The following SLC35F4 variants were observed in gnomAD, a reference collection of about 807,000 sequenced individuals.
The protein encoded by SLC35F4 is solute carrier family 35 member F4.
Under a neutral mutation model 44.2 loss-of-function variants are expected in SLC35F4, and 24 were observed. The ratio of observed to expected loss-of-function variants is 0.54; its 90% CI spans 0.39 to 0.76. SLC35F4 has a LOEUF of 0.76. SLC35F4 is among the 30% of genes least tolerant of loss of function. The pLI is 0.00. For missense variants in SLC35F4, 562 were observed against 586.1 expected (o/e 0.96, Z 0.42); for synonymous variants, 238 against 223.6 (o/e 1.06, Z -0.57).
intron 1 of SLC35F4, among the ~76,000 whole-genome samples, chr14:57,839,620 A>G (rs1204316678): frequency 6.6e-6 from 1 of 152,056 alleles, no homozygotes; most frequent in Non-Finnish European, 1.5e-5. Flanking sequence ...AGAGAGGGAG[A>G]GCATCAGAAA....
chr14:57,980,888 T>G (rs532868211), intron 1 of SLC35F4, among the ~76,000 whole-genome samples: 68 of 152,328 alleles, frequency 4.5e-4, no homozygotes, highest in African/African-American at 1.5e-3. Flanking sequence ...ACTTCCATAA[T>G]CACAGGAAGT....
chr14:57,759,698 T>C (rs1347320705), intron 1 of SLC35F4, among the ~76,000 whole-genome samples: 4 of 152,332 alleles, frequency 2.6e-5, no homozygotes, highest in African/African-American at 9.6e-5. Flanking sequence ...CCAACACTTA[T>C]CTTTTGTTTC....
intron 1 of SLC35F4, among the ~76,000 whole-genome samples, chr14:57,750,775 T>C (rs2076866063): frequency 6.6e-6 from 1 of 152,208 alleles, no homozygotes. Context: ...GAACTTTTTG[T>C]ATATTCTGGA....
chr14:57,873,854 T>G (rs1437703400), intron 1 of SLC35F4, among the ~76,000 whole-genome samples: 1 of 152,188 alleles, frequency 6.6e-6, no homozygotes, highest in African/African-American at 2.4e-5. Context: ...GCACACCATC[T>G]TTTTAGCAAT....
intron 1 of SLC35F4, among the ~76,000 whole-genome samples, chr14:57,941,663 CA>C (rs1645647022): frequency 6.6e-6 from 1 of 151,756 alleles, no homozygotes; most frequent in African/African-American, 2.4e-5. Context: ...CTGAATTGTT[CA>C]CTTTAAAGTG....
intron 1 of SLC35F4, among the ~76,000 whole-genome samples, chr14:57,727,986 A>C (rs568908728): frequency 6.6e-6 from 1 of 152,290 alleles, no homozygotes; most frequent in East Asian, 1.9e-4. Context: ...GAGGTGTTGA[A>C]ATCTCCAGAT....
At chr14:57,847,032 T>C (rs1456336105) in intron 1 of SLC35F4, among the ~76,000 whole-genome samples, 1 of 152,266 alleles carries the variant, frequency 6.6e-6, no homozygotes. Flanking sequence ...GAGTAATCAC[T>C]GAGAAATATT....
At chr14:57,700,920 GC>G (rs998652200) in intron 1 of SLC35F4, among the ~76,000 whole-genome samples, 1 of 151,972 alleles carries the variant, frequency 6.6e-6, no homozygotes, top group East Asian at 1.9e-4. Context: ...AAACAAAAAA[GC>G]CCCCCAAAAA....
chr14:57,733,020 A>C (rs1043066574), intron 1 of SLC35F4, among the ~76,000 whole-genome samples: 1 of 152,086 alleles, frequency 6.6e-6, no homozygotes. Context: ...TCATGTATAA[A>C]TGTGTAAATA....
chr14:57,931,267 C>T (rs1453525505), intron 1 of SLC35F4, among the ~76,000 whole-genome samples: 1 of 152,136 alleles, frequency 6.6e-6, no homozygotes, highest in African/African-American at 2.4e-5. Context: ...GGTTAGATAC[C>T]TAGAGGCTAG....
chr14:57,636,373 G>A (rs1010751061), intron 1 of SLC35F4, among the ~76,000 whole-genome samples: 1 of 152,030 alleles, frequency 6.6e-6, no homozygotes, highest in Non-Finnish European at 1.5e-5. Context: ...TAGCTCTACT[G>A]CTTGTGGGGT....
chr14:57,927,661 T>C (rs1037268303), intron 1 of SLC35F4, among the ~76,000 whole-genome samples: 1 of 151,906 alleles, frequency 6.6e-6, no homozygotes, highest in African/African-American at 2.4e-5. Context: ...CAGCTAATTT[T>C]TGTGTTTTTA....
intron 1 of SLC35F4, among the ~76,000 whole-genome samples, chr14:57,724,557 C>T (rs1092036): frequency 0.93 from 141,103 of 152,176 alleles, 65,892 homozygotes; most frequent in Non-Finnish European, 1. Context: ...GTGGTATATA[C>T]GTGATTGGGC....
At chr14:57,912,965 A>G (rs1452228903) in intron 1 of SLC35F4, among the ~76,000 whole-genome samples, 1 of 152,112 alleles carries the variant, frequency 6.6e-6, no homozygotes, top group Non-Finnish European at 1.5e-5. Flanking sequence ...CACATACACA[A>G]TAAGGATTGT....
At chr14:57,617,050 A>G (rs555410895) in intron 1 of SLC35F4, among the ~76,000 whole-genome samples, 46 of 150,994 alleles carry the variant, frequency 3.0e-4, no homozygotes, top group Non-Finnish European at 6.1e-4. Context: ...CTTTCGGATG[A>G]TGATTTATAG....
At chr14:57,625,441 GA>G (rs1375974279) in intron 1 of SLC35F4, among the ~76,000 whole-genome samples, 1 of 152,066 alleles carries the variant, frequency 6.6e-6, no homozygotes, top group East Asian at 1.9e-4. Context: ...GAAAGAATTG[GA>G]AAAAACTACT....
intron 1 of SLC35F4, among the ~76,000 whole-genome samples, chr14:57,826,421 C>G (rs1883773544): frequency 6.6e-6 from 1 of 152,048 alleles, no homozygotes; most frequent in Admixed American, 6.6e-5. Context: ...TAGAAGAAAA[C>G]CTAGGCAATA....
intron 1 of SLC35F4, among the ~76,000 whole-genome samples, chr14:57,723,715 C>T (rs1413550662): frequency 6.6e-6 from 1 of 152,234 alleles, no homozygotes; most frequent in Non-Finnish European, 1.5e-5. Flanking sequence ...CCTTTACTAT[C>T]CTACCTCAGG....
chr14:57,744,793 A>G (rs966625948), intron 1 of SLC35F4, among the ~76,000 whole-genome samples: 1 of 152,200 alleles, frequency 6.6e-6, no homozygotes, highest in Non-Finnish European at 1.5e-5. Flanking sequence ...GACAATCCTA[A>G]GCCAAAAGAA....
Sources: gnomAD v4.1 joint callset for allele counts (sites outside exome capture counted in the v4.1 genomes callset) on GRCh38, gnomAD v4.1.1 for gene constraint, MANE v1.5 for transcripts, NCBI Gene and HGNC (gene_info 2026-07-23, HGNC 2026-07-21) for gene names.